NUTF2: variants seen among roughly 807,000 people sequenced by gnomAD.
NUTF2 encodes nuclear transport factor 2.
A neutral mutation model predicts 18.5 loss-of-function variants in NUTF2; 3 were observed. That is an observed-to-expected ratio of 0.16 (90% CI 0.07 to 0.42). The LOEUF is 0.42. Ranked by LOEUF, NUTF2 falls within the 10% of genes least tolerant of loss-of-function variation. The pLI is 0.99. For missense variants in NUTF2, 44 were observed against 160.7 expected (o/e 0.27, Z 3.93); for synonymous variants, 51 against 57.9 (o/e 0.88, Z 0.54).
chr16:67,852,157 G>A (rs2057864180), intron 1 of NUTF2, among the ~76,000 whole-genome samples: 1 of 151,846 alleles, frequency 6.6e-6, no homozygotes, highest in South Asian at 2.1e-4. Context: ...TTCTACAAAA[G>A]AAAAATAAAA....
intron 1 of NUTF2, among the ~76,000 whole-genome samples, chr16:67,849,909 C>T (rs1222642739): frequency 2.0e-5 from 3 of 151,736 alleles, no homozygotes; most frequent in Admixed American, 6.6e-5. Flanking sequence ...CCGCCCGTCT[C>T]GGCCTCCCAA....
chr16:67,865,719 CTTTT>C (rs767485714), intron 2 of NUTF2, among the ~76,000 whole-genome samples: 3 of 136,820 alleles, frequency 2.2e-5, no homozygotes. Context: ...GCTGGCTGCT[CTTTT>C]TTTTTTTTTT....
intron 2 of NUTF2, among the ~76,000 whole-genome samples, chr16:67,866,984 T>G (rs1195898326): frequency 6.6e-6 from 1 of 152,012 alleles, no homozygotes; most frequent in East Asian, 1.9e-4. Context: ...CCCTTTTTTT[T>G]TTTTTGAGAT....
intron 1 of NUTF2, among the ~76,000 whole-genome samples, chr16:67,849,255 C>G (rs953863637): frequency 6.6e-6 from 1 of 152,234 alleles, no homozygotes; most frequent in African/African-American, 2.4e-5. Context: ...TGCGTGGGTA[C>G]TTTCTAGGAC....
intron 1 of NUTF2, among the ~76,000 whole-genome samples, chr16:67,861,641 C>T (rs1363718304): frequency 6.6e-6 from 1 of 152,202 alleles, no homozygotes; most frequent in Non-Finnish European, 1.5e-5. Context: ...TGGCCTCAGC[C>T]TGCGGACTGT....
At position 67,868,423 on chromosome 16, in the gene NUTF2, A is replaced by T. The variant is rs2271294; in HGVS notation, c.171+12A>T. On this transcript the variant is annotated intron_variant, in intron 3 of 4. Transcript: ENST00000219169. ...TGGAGAAGTTGTCTGTAAGTAGGGA[A>T]GAAAGCCAGGGTGCAGGTGGCTCCT... is the stretch of plus-strand genomic sequence containing the variant. 0.19 allele frequency: 313,029 copies of T among 1,613,616 alleles called. 40,013 individuals are homozygous for T. The highest frequency in any genetic ancestry group is 0.64 in the African/African-American group (48,199 of 74,912).
chr16:67,854,243 G>A (rs1411913141), intron 1 of NUTF2, among the ~76,000 whole-genome samples: 1 of 152,242 alleles, frequency 6.6e-6, no homozygotes, highest in East Asian at 1.9e-4. Context: ...GCCACTGCTT[G>A]CCTGGCCTGT....
chr16:67,864,847 C>G (rs1341672290), intron 1 of NUTF2, among the ~76,000 whole-genome samples: 1 of 152,148 alleles, frequency 6.6e-6, no homozygotes, highest in East Asian at 1.9e-4. Flanking sequence ...CCTGTGTGCT[C>G]CACGACCCTA....
chr16:67,866,627 G>A (rs1273634425), intron 2 of NUTF2, among the ~76,000 whole-genome samples: 3 of 151,908 alleles, frequency 2.0e-5, no homozygotes, highest in Non-Finnish European at 2.9e-5. Context: ...TGCCATGCCC[G>A]GCTAATTTTT....
At chr16:67,847,008 C>CGGGGCG (rs1458268307) in intron 1 of NUTF2, 23 bp downstream of exon 1, 13 of 151,816 alleles carry the variant, frequency 8.6e-5, no homozygotes, top group African/African-American at 3.1e-4. Context: ...GCCAGCACGC[C>CGGGGCG]GGGGCGGGGG....
intron 1 of NUTF2, among the ~76,000 whole-genome samples, chr16:67,851,511 TTTA>T (rs1388816350): frequency 6.6e-6 from 1 of 151,866 alleles, no homozygotes; most frequent in Non-Finnish European, 1.5e-5. Context: ...TTTTGTTTTT[TTTA>T]TTATTATTAT....
intron 2 of NUTF2, 149 bp downstream of exon 2, chr16:67,865,378 G>A (rs773065201): frequency 2.4e-5 from 14 of 585,178 alleles, no homozygotes; most frequent in Non-Finnish European, 3.7e-5. Context: ...GGGGTCTGAC[G>A]CTTGGCCCAA....
At chr16:67,868,224 G>A (rs887984562) in intron 2 of NUTF2, 116 bp from the exon 3 acceptor site, 2 of 826,986 alleles carry the variant, frequency 2.4e-6, no homozygotes, top group Non-Finnish European at 3.9e-6. Flanking sequence ...TTTAGACAGG[G>A]AAACTGAAGT....
chr16:67,866,352 G>A (rs950161717), intron 2 of NUTF2, among the ~76,000 whole-genome samples: 2 of 142,986 alleles, frequency 1.4e-5, no homozygotes, highest in Admixed American at 1.5e-4. Flanking sequence ...TGTCAACAAA[G>A]CTGGTGTGCA....
At chr16:67,849,468 G>A (rs1377024323) in intron 1 of NUTF2, among the ~76,000 whole-genome samples, 10 of 145,004 alleles carry the variant, frequency 6.9e-5, no homozygotes, top group Middle Eastern at 4.3e-3. Flanking sequence ...CAGCCTCCCT[G>A]GTAGCTGGGA....
chr16:67,855,287 G>C (rs1419891055), intron 1 of NUTF2, among the ~76,000 whole-genome samples: 1 of 152,206 alleles, frequency 6.6e-6, no homozygotes, highest in African/African-American at 2.4e-5. Context: ...TGCTTTGCTT[G>C]GGTCTGGGTT....
At chr16:67,860,495 T>A (rs1678468154) in intron 1 of NUTF2, among the ~76,000 whole-genome samples, 1 of 152,172 alleles carries the variant, frequency 6.6e-6, no homozygotes, top group Non-Finnish European at 1.5e-5. Flanking sequence ...GGTCTGGAAC[T>A]CCTGGACTCA....
chr16:67,855,172 G>A, intron 1 of NUTF2, among the ~76,000 whole-genome samples: 1 of 152,092 alleles, frequency 6.6e-6, no homozygotes, highest in South Asian at 2.1e-4. Flanking sequence ...CTCCCTCGGG[G>A]AGCCAGCAGT....
intron 2 of NUTF2, among the ~76,000 whole-genome samples, chr16:67,867,108 G>T (rs1166447637): frequency 6.6e-6 from 1 of 151,544 alleles, no homozygotes; most frequent in Non-Finnish European, 1.5e-5. Context: ...AGTAGCTGGG[G>T]TTACAGGCAC....
Sources: allele counts gnomAD v4.1 joint callset (sites outside exome capture counted in the v4.1 genomes callset), GRCh38; gene constraint gnomAD v4.1.1; transcripts MANE v1.5; gene names NCBI Gene and HGNC (gene_info 2026-07-23, HGNC 2026-07-21).